KCTD16: variants seen among roughly 807,000 people sequenced by gnomAD.
KCTD16 encodes the protein BTB/POZ domain-containing protein KCTD16.
In KCTD16, 13 loss-of-function variants were observed where a neutral mutation model predicts 33.2. The ratio of observed to expected loss-of-function variants is 0.39; its 90% CI spans 0.25 to 0.62. The LOEUF (loss-of-function observed/expected upper bound fraction) is 0.62. KCTD16 is among the 20% of genes least tolerant of loss of function. The pLI, the probability that KCTD16 is intolerant of heterozygous loss-of-function variation, is 0.50. For missense variants in KCTD16, 441 were observed against 525.1 expected, an observed-to-expected ratio of 0.84 and a Z score of 1.57; for synonymous variants, 197 against 195.3, an observed-to-expected ratio of 1.01 and a Z score of -0.07.
At chr5:144,172,983 A>T (rs1334042205) in intron 1 of KCTD16, among the ~76,000 whole-genome samples, 1 of 152,212 alleles carries the variant, frequency 6.6e-6, no homozygotes, top group Non-Finnish European at 1.5e-5. Flanking sequence ...GCTGATTTAG[A>T]TGCTGGCGAG....
chr5:144,318,254 A>C (rs953412088), intron 3 of KCTD16, among the ~76,000 whole-genome samples: 3 of 152,130 alleles, frequency 2.0e-5, no homozygotes, highest in African/African-American at 7.2e-5. Flanking sequence ...GCAGCTTGGG[A>C]CTAAGAGGAG....
At chr5:144,329,723 CTCAA>C (rs1266149801) in intron 3 of KCTD16, among the ~76,000 whole-genome samples, 1 of 152,188 alleles carries the variant, frequency 6.6e-6, no homozygotes, top group African/African-American at 2.4e-5. Flanking sequence ...CAAATAAACA[CTCAA>C]TCAAACAAAC....
chr5:144,374,325 A>G (rs1359390939), intron 3 of KCTD16, among the ~76,000 whole-genome samples: 1 of 151,964 alleles, frequency 6.6e-6, no homozygotes, highest in African/African-American at 2.4e-5. Context: ...ATGATGTTTG[A>G]TGCATTCTTC....
intron 3 of KCTD16, among the ~76,000 whole-genome samples, chr5:144,401,456 A>T (rs1752702432): frequency 6.6e-6 from 1 of 152,176 alleles, no homozygotes; most frequent in Admixed American, 6.5e-5. Context: ...ACCAATATGT[A>T]TTAAAAAAAG....
chr5:144,276,636 G>C (rs1020355009), intron 3 of KCTD16, among the ~76,000 whole-genome samples: 2 of 152,132 alleles, frequency 1.3e-5, no homozygotes, highest in Non-Finnish European at 2.9e-5. Flanking sequence ...GGGCACGATG[G>C]CTCACGCCTG....
chr5:144,355,551 G>T (rs1356393480), intron 3 of KCTD16, among the ~76,000 whole-genome samples: 2 of 152,180 alleles, frequency 1.3e-5, no homozygotes, highest in African/African-American at 4.8e-5. Flanking sequence ...TCTCACCTCT[G>T]TGGGCCTTAG....
intron 3 of KCTD16, among the ~76,000 whole-genome samples, chr5:144,412,120 T>C (rs1408680567): frequency 6.6e-6 from 1 of 152,152 alleles, no homozygotes; most frequent in Non-Finnish European, 1.5e-5. Context: ...TAACATTTCC[T>C]CAAAAAACTA....
chr5:144,279,578 A>G (rs927075896), intron 3 of KCTD16, among the ~76,000 whole-genome samples: 1 of 152,240 alleles, frequency 6.6e-6, no homozygotes, highest in Non-Finnish European at 1.5e-5. Context: ...TCCAAGATCA[A>G]GGCATTGGCA....
rs1159146394 is a variant in KCTD16, at chr5:144,433,151, T to C, written c.833-40509T>C. Among the ~76,000 whole-genome samples, 4 of 152,268 alleles carry C rather than the reference T, an allele frequency of 2.6e-5. No homozygotes were observed. In the East Asian group the frequency reaches 7.7e-4, roughly 29 times the overall value. On this transcript the variant is annotated intron_variant, in intron 3 of 3. Transcript: ENST00000512467. ...GAAATACCTACAGAAGCCAGAATAGTAAGTGTAGGAGGTCAGGAGTAAGAA... is the reference window on the plus strand; with the variant it reads ...GAAATACCTACAGAAGCCAGAATAGCAAGTGTAGGAGGTCAGGAGTAAGAA...
At chr5:144,413,994 TG>T (rs1193443914) in intron 3 of KCTD16, among the ~76,000 whole-genome samples, 1 of 152,202 alleles carries the variant, frequency 6.6e-6, no homozygotes, top group Non-Finnish European at 1.5e-5. Flanking sequence ...TAAGTGACCT[TG>T]TAGATCCATT....
chr5:144,283,296 C>A (rs1166240276), intron 3 of KCTD16, among the ~76,000 whole-genome samples: 1 of 152,116 alleles, frequency 6.6e-6, no homozygotes, highest in Non-Finnish European at 1.5e-5. Context: ...GTTAGACCAC[C>A]AGCTCTATTA....
chr5:144,176,557 C>T (rs898321567), intron 2 of KCTD16, among the ~76,000 whole-genome samples: 5 of 151,068 alleles, frequency 3.3e-5, no homozygotes, highest in African/African-American at 7.3e-5. Flanking sequence ...CGCCCGCCAC[C>T]GCGCCCGGCT....
intron 3 of KCTD16, among the ~76,000 whole-genome samples, chr5:144,325,923 G>A (rs1189594236): frequency 1.3e-5 from 2 of 152,144 alleles, no homozygotes; most frequent in Non-Finnish European, 2.9e-5. Flanking sequence ...AAGATTCCAT[G>A]TAGGGGCTCT....
intron 3 of KCTD16, among the ~76,000 whole-genome samples, chr5:144,218,846 A>G (rs553097330): frequency 1.3e-5 from 2 of 152,360 alleles, no homozygotes; most frequent in African/African-American, 4.8e-5. Flanking sequence ...GTATGGATAA[A>G]TTAATAATAC....
At chr5:144,310,642 A>G (rs1257857896) in intron 3 of KCTD16, among the ~76,000 whole-genome samples, 1 of 152,020 alleles carries the variant, frequency 6.6e-6, no homozygotes, top group East Asian at 1.9e-4. Flanking sequence ...ATAAAACCCA[A>G]ACAACCTAGA....
intron 3 of KCTD16, among the ~76,000 whole-genome samples, chr5:144,346,266 A>G (rs183616670): frequency 1.3e-5 from 2 of 152,292 alleles, no homozygotes; most frequent in Admixed American, 6.5e-5. Context: ...GTTGATGGAC[A>G]CTTAGATTGC....
intron 2 of KCTD16, among the ~76,000 whole-genome samples, chr5:144,199,410 A>G (rs968284282): frequency 1.3e-5 from 2 of 152,234 alleles, no homozygotes; most frequent in African/African-American, 4.8e-5. Flanking sequence ...ACATGGATCA[A>G]CAGGCTGTAG....
At chr5:144,312,862 T>C (rs1237459991) in intron 3 of KCTD16, among the ~76,000 whole-genome samples, 1 of 152,190 alleles carries the variant, frequency 6.6e-6, no homozygotes, top group Non-Finnish European at 1.5e-5. Flanking sequence ...TAAGGGGAAG[T>C]GACAAGGTGA....
At chr5:144,356,471 A>G (rs952816380) in intron 3 of KCTD16, among the ~76,000 whole-genome samples, 5 of 152,120 alleles carry the variant, frequency 3.3e-5, no homozygotes, top group African/African-American at 1.2e-4. Context: ...AAAGAAGACA[A>G]GGGGGCAACC....
Sources: gnomAD v4.1 joint callset for allele counts (sites outside exome capture counted in the v4.1 genomes callset) on GRCh38, gnomAD v4.1.1 for gene constraint, MANE v1.5 for transcripts, NCBI Gene and HGNC (gene_info 2026-07-23, HGNC 2026-07-21) for gene names.